PCDHAC2: variants seen among roughly 807,000 people sequenced by gnomAD.
The protein encoded by PCDHAC2 is protocadherin alpha-C2.
In PCDHAC2, 24 loss-of-function variants were observed where a neutral mutation model predicts 63.3. The observed-to-expected ratio is 0.38, with a 90% CI of 0.27 to 0.53. The LOEUF (loss-of-function observed/expected upper bound fraction) is 0.53, where lower values mean the gene tolerates loss of function less well. PCDHAC2 is among the 20% of genes least tolerant of loss of function. The pLI, the probability that PCDHAC2 is intolerant of heterozygous loss-of-function variation, is 0.81. For synonymous variants in PCDHAC2, 569 were observed against 529.4 expected (o/e 1.07, Z -1.03); for missense variants, 1,181 against 1,275.2 (o/e 0.93, Z 1.12).
At position 140,967,320 on chromosome 5, in the gene PCDHAC2, A is replaced by G; in HGVS notation, c.554A>G (p.Tyr185Cys). 6 of 1,609,774 alleles carry G rather than the reference A, an allele frequency of 3.7e-6. No homozygotes were observed. Among genetic ancestry groups the G allele is most frequent in the Non-Finnish European group, 5.1e-6 (6 of 1,177,088 alleles). The change falls in exon 1 of 4, where the codon TAC (tyrosine) becomes TGC (cysteine). Residue 185 changes from tyrosine to cysteine, a missense_variant. Physicochemically the swap from Tyr to Cys is radical, Grantham distance 194. Around this residue, in one of 3 missense-constraint regions of PCDHAC2, gnomAD observed 968 missense variants for 1,073.5 expected, o/e 0.90. Coordinates refer to ENST00000289269, the MANE Select transcript of PCDHAC2 (RefSeq NM_018899.6). ...GTGGGCGCCAACTCAGTACAGACCTACGAGCTCAGCCCCAGCGAGCACTTC... is the reference window on the plus strand; with the variant it reads ...GTGGGCGCCAACTCAGTACAGACCTGCGAGCTCAGCCCCAGCGAGCACTTC... Reference protein sequence around the residue: ...PDVGANSVQTYELSPSEHFEL... With the variant: ...PDVGANSVQTCELSPSEHFEL...
At chr5:140,981,537 G>A (rs375537131) in intron 2 of PCDHAC2, among the ~76,000 whole-genome samples, 2 of 152,172 alleles carry the variant, frequency 1.3e-5, no homozygotes, top group East Asian at 1.9e-4. Flanking sequence ...TCGTGCCACT[G>A]TACTCCAGCC....
intron 1 of PCDHAC2, 119 bp from the exon 2 acceptor site, chr5:140,978,830 C>A: frequency 1.3e-6 from 2 of 1,535,340 alleles, no homozygotes; most frequent in Non-Finnish European, 1.8e-6. Context: ...TGAAATGGCT[C>A]ATTCAATACT....
intron 3 of PCDHAC2, among the ~76,000 whole-genome samples, chr5:140,999,602 G>A (rs150839481): frequency 5.1e-4 from 78 of 152,202 alleles, no homozygotes; most frequent in African/African-American, 1.9e-3. Flanking sequence ...CTACATCCTG[G>A]GGGACCTTAT....
At chr5:141,000,405 A>ATG (rs2097918195) in intron 3 of PCDHAC2, among the ~76,000 whole-genome samples, 3 of 88,878 alleles carry the variant, frequency 3.4e-5, no homozygotes, top group African/African-American at 1.4e-4. Flanking sequence ...CTATATATAT[A>ATG]TATATATATA....
intron 1 of PCDHAC2, among the ~76,000 whole-genome samples, chr5:140,972,667 T>G (rs1442293512): frequency 1.3e-5 from 2 of 149,086 alleles, no homozygotes; most frequent in East Asian, 3.9e-4. Context: ...CAAATTTTTT[T>G]TTTTTTTTTT....
In PCDHAC2 at chr5:141,009,879, A is replaced by T. The variant is rs2098415109; in HGVS notation, c.2966A>T (p.Asn989Ile). The T allele has an allele frequency of 1.2e-6, 2 of 1,613,766 alleles. No individual in the cohort carries two copies. The highest frequency in any genetic ancestry group is 3.3e-5 in the Admixed American group (2 of 59,900). Reference sequence around the variant, plus strand: ...AAAAAGAAGAAAAAGAAGAAGGGTAACAAGACCCAGGAGAAAAAAGAGAAA... The same window carrying T: ...AAAAAGAAGAAAAAGAAGAAGGGTATCAAGACCCAGGAGAAAAAAGAGAAA... The part of the protein sequence containing the change: ...TKKKKKKKKG[N>I]KTQEKKEKGN... Residue 989 changes from asparagine to isoleucine, a missense_variant, in exon 4 of 4, where the codon AAC (asparagine) becomes ATC (isoleucine). Around this residue, in one of 3 missense-constraint regions of PCDHAC2, gnomAD observed 968 missense variants for 1,073.5 expected, o/e 0.90. Coordinates refer to ENST00000289269, the MANE Select transcript of PCDHAC2 (RefSeq NM_018899.6).
Position 140,967,142 on chromosome 5 carries a change from C to T in PCDHAC2, c.376C>T (p.His126Tyr). 1 of 1,611,304 alleles carries T rather than the reference C, an allele frequency of 6.2e-7. No individual in the cohort carries two copies. Among genetic ancestry groups the T allele is most frequent in the Non-Finnish European group, 8.5e-7 (1 of 1,178,078 alleles). The change falls in exon 1 of 4, where the codon CAC becomes TAC. Residue 126 changes from histidine (H) to tyrosine (Y), a missense_variant. By Grantham distance (83) the His-to-Tyr change is moderately conservative. This residue lies in a region of PCDHAC2 where 210 missense variants were observed against 184.9 expected (regional missense o/e 1.14). Coordinates refer to ENST00000289269, the MANE Select transcript of PCDHAC2 (RefSeq NM_018899.6). ...RCLLSLEVLAHNPVAVSAVEV... is the reference protein window; with the variant it reads ...RCLLSLEVLAYNPVAVSAVEV... ...CCTGCTCAGCTTGGAAGTGCTGGCG[C>T]ACAACCCCGTGGCGGTGAGCGCCGT...
At chr5:140,975,486 A>G (rs1260336572) in intron 1 of PCDHAC2, among the ~76,000 whole-genome samples, 4 of 152,228 alleles carry the variant, frequency 2.6e-5, no homozygotes, top group African/African-American at 4.8e-5. Flanking sequence ...GTTTATATCA[A>G]TGTTCATAAA....
chr5:140,973,125 G>A (rs1417014318), intron 1 of PCDHAC2, among the ~76,000 whole-genome samples: 2 of 152,166 alleles, frequency 1.3e-5, no homozygotes, highest in African/African-American at 4.8e-5. Context: ...GATGAATTAA[G>A]TTTGCATTCA....
At chr5:140,983,178 A>G (rs1302819191) in intron 3 of PCDHAC2, among the ~76,000 whole-genome samples, 2 of 152,158 alleles carry the variant, frequency 1.3e-5, no homozygotes, top group Admixed American at 6.5e-5. Context: ...CCGCCTCACA[A>G]TTTCTTAGTT....
At chr5:140,970,331 T>C (rs1442466340) in intron 1 of PCDHAC2, among the ~76,000 whole-genome samples, 1 of 152,210 alleles carries the variant, frequency 6.6e-6, no homozygotes, top group African/African-American at 2.4e-5. Context: ...TTCCAAAGCA[T>C]GCATTCATTT....
intron 3 of PCDHAC2, among the ~76,000 whole-genome samples, chr5:141,005,772 G>A (rs1554260355): frequency 6.9e-6 from 1 of 144,526 alleles, no homozygotes; most frequent in South Asian, 2.2e-4. Flanking sequence ...CAAACCAGAT[G>A]TGTAAAGATC....
rs782126222 is a variant in PCDHAC2 at position 140,967,665 on chromosome 5, C to G, written c.899C>G (p.Thr300Arg). ...CTCAGGTACTCCTTGAGCAGCTACACGTCGGACCGGGAGAGGCAGCTCTTC... is the reference window on the plus strand; with the variant it reads ...CTCAGGTACTCCTTGAGCAGCTACAGGTCGGACCGGGAGAGGCAGCTCTTC... The part of the protein sequence containing the change: ...GELRYSLSSY[T>R]SDRERQLFSI... Residue 300 changes from threonine (T) to arginine (R), a missense_variant, in exon 1 of 4, where the codon ACG (threonine) becomes AGG (arginine). Transcript: ENST00000289269. 6.2e-7 allele frequency: 1 copy of G among 1,614,154 alleles called. No individual in the cohort carries two copies.
In PCDHAC2 at chr5:140,969,117, A is replaced by G. The variant is rs1554231477; in HGVS notation, c.2351A>G (p.Asn784Ser). The change falls in exon 1 of 4, where the codon AAT (asparagine) becomes AGT (serine). Residue 784 changes from asparagine (N) to serine (S), a missense_variant. By Grantham distance (46) the Asn-to-Ser change is conservative (BLOSUM62 1). Around this residue, in one of 3 missense-constraint regions of PCDHAC2, gnomAD observed 968 missense variants for 1,073.5 expected, o/e 0.90. Coordinates refer to ENST00000289269, the MANE Select transcript of PCDHAC2 (RefSeq NM_018899.6). ...CCTCACTTCATTGAAGTTCGAGGGA[A>G]TGGCTCCCTCACCAAGACCTACTGC... ...VQPHFIEVRG[N>S]GSLTKTYCYK... 6.2e-7 allele frequency: 1 copy of G among 1,614,178 alleles called. No homozygotes were observed. Among genetic ancestry groups the G allele is most frequent in the Non-Finnish European group, 8.5e-7 (1 of 1,180,030 alleles).
At chr5:140,990,011 G>T (rs1246081885) in intron 3 of PCDHAC2, among the ~76,000 whole-genome samples, 1 of 152,074 alleles carries the variant, frequency 6.6e-6, no homozygotes, top group Non-Finnish European at 1.5e-5. Context: ...CAAGGGCGTG[G>T]GCTAGGCAAA....
At chr5:140,980,307 TA>T (rs1554241617) in intron 2 of PCDHAC2, among the ~76,000 whole-genome samples, 2 of 152,140 alleles carry the variant, frequency 1.3e-5, no homozygotes, top group African/African-American at 4.8e-5. Context: ...AGTTGTGCCT[TA>T]AAAACTACAT....
Position 140,966,488 on chromosome 5 carries a change from C to T in PCDHAC2, c.-279C>T. ...TCCCTTCTGTTTCCTTTTCCCTCCC[C>T]CTGGAGCTGTAGCGGCAGCAGCAGC... On this transcript the variant is annotated 5_prime_UTR_variant, in exon 1 of 4. Transcript: ENST00000289269. 1 of 440,248 alleles carries T rather than the reference C, an allele frequency of 2.3e-6. No individual in the cohort carries two copies. The highest frequency in any genetic ancestry group is 3.9e-6 in the Non-Finnish European group (1 of 254,154). The allele number at this position is 440,248 out of a possible 1,614,324, so 27.3% of individuals were successfully genotyped here. A position where few individuals can be genotyped will look rare whatever the true frequency, so the allele number is the denominator to read the frequency against.
At chr5:141,003,331 TTTTG>T (rs1554259005) in intron 3 of PCDHAC2, among the ~76,000 whole-genome samples, 2 of 152,142 alleles carry the variant, frequency 1.3e-5, no homozygotes, top group Non-Finnish European at 2.9e-5. Flanking sequence ...GGGCAGGGTT[TTTTG>T]TTTGTTTGCT....
chr5:140,990,760 G>A (rs2097413418), intron 3 of PCDHAC2, among the ~76,000 whole-genome samples: 1 of 152,182 alleles, frequency 6.6e-6, no homozygotes, highest in Non-Finnish European at 1.5e-5. Context: ...CTTTGAGCCT[G>A]TAAATTTGGC....
Sources: allele counts gnomAD v4.1 joint callset (sites outside exome capture counted in the v4.1 genomes callset), GRCh38; gene constraint gnomAD v4.1.1; regional missense constraint gnomAD v4.1.1; transcripts MANE v1.5; gene names NCBI Gene and HGNC (gene_info 2026-07-23, HGNC 2026-07-21).